HDX: variants seen among roughly 807,000 people sequenced by gnomAD.
HDX encodes chromosome X open reading frame 43.
In HDX, 19 loss-of-function variants were observed where a neutral mutation model predicts 45.2. The observed-to-expected ratio is 0.42, with a 90% CI of 0.29 to 0.62. The LOEUF is 0.62. Among genes scored for constraint, HDX ranks in the 20% least tolerant of loss-of-function variants. HDX has a pLI of 0.20. For synonymous variants in HDX, 188 were observed against 172.8 expected (o/e 1.09, Z -0.69); for missense variants, 532 against 493.9 (o/e 1.08, Z -0.73).
chrX:84,391,531 GT>G (rs2038442997), intron 5 of HDX, among the ~76,000 whole-genome samples: 1 of 110,439 alleles, frequency 9.1e-6, no homozygotes, highest in Non-Finnish European at 1.9e-5. Context: ...TTTCCATACT[GT>G]TTTCCATAGT....
intron 5 of HDX, among the ~76,000 whole-genome samples, chrX:84,424,637 A>G (rs988506201): frequency 3.6e-5 from 4 of 111,282 alleles, no homozygotes; most frequent in African/African-American, 1.3e-4. Context: ...AACAGAATAG[A>G]GAACTCAGAT....
intron 5 of HDX, among the ~76,000 whole-genome samples, chrX:84,384,367 G>T (rs763618767): frequency 9.1e-6 from 1 of 110,057 alleles, no homozygotes; most frequent in East Asian, 2.9e-4. Context: ...TGCCCATTTT[G>T]TATTGGGGTT....
chrX:84,462,473 A>G (rs2040260602), intron 4 of HDX, among the ~76,000 whole-genome samples: 2 of 111,678 alleles, frequency 1.8e-5, no homozygotes, highest in South Asian at 7.4e-4. Flanking sequence ...ATTTAAAACA[A>G]TTGAACTCAT....
chrX:84,451,865 G>T (rs1363219855), intron 4 of HDX, among the ~76,000 whole-genome samples: 1 of 111,642 alleles, frequency 9.0e-6, no homozygotes, highest in Non-Finnish European at 1.9e-5. Flanking sequence ...TGCTAGGATG[G>T]TTCAACACAT....
Position 84,351,047 on chromosome X carries a change from CTATCT to C in HDX, c.1453-6595_1453-6591del, listed in dbSNP as rs755632639. ...TCTATCTATCTATCTATCTATCTAT[CTATCT>C]ATCATCTATCTATCTTATGACAGTC... is the stretch of plus-strand genomic sequence containing the variant. On this transcript the variant is annotated intron_variant, in intron 6 of 10. Coordinates refer to ENST00000373177, the MANE Select transcript of HDX (RefSeq NM_001177479.2). Among the ~76,000 whole-genome samples, 174 of 106,967 alleles carry C rather than the reference CTATCT, an allele frequency of 1.6e-3. 4 individuals carry two copies. The highest frequency in any genetic ancestry group is 6.2e-4 in the Non-Finnish European group (32 of 51,941). 92.9% of individuals were successfully genotyped at this position (106,967 alleles called of 115,157 possible).
At chrX:84,454,729 A>G (rs1459455732) in intron 4 of HDX, among the ~76,000 whole-genome samples, 1 of 111,122 alleles carries the variant, frequency 9.0e-6, no homozygotes, top group Non-Finnish European at 1.9e-5. Flanking sequence ...AAGCATAGGC[A>G]GTAACGAGGC....
intron 1 of HDX, among the ~76,000 whole-genome samples, chrX:84,500,929 A>G (rs1201776705): frequency 1.8e-5 from 2 of 111,751 alleles, no homozygotes; most frequent in Non-Finnish European, 3.8e-5. Flanking sequence ...ACAGACCACT[A>G]AGGATTTGGG....
At chrX:84,460,449 C>A (rs891350947) in intron 4 of HDX, among the ~76,000 whole-genome samples, 3 of 111,850 alleles carry the variant, frequency 2.7e-5, no homozygotes, top group Non-Finnish European at 5.7e-5. Flanking sequence ...ACCATATGAT[C>A]ATTTGAATTG....
In HDX at chrX:84,448,589, G is replaced by A. The variant is rs188520833; in HGVS notation, c.1252-8004C>T. 2.6e-4 allele frequency among the ~76,000 whole-genome samples: 29 copies of A among 110,553 alleles called. No individual in the cohort carries two copies. The East Asian group carries it at 8.1e-3, about 31-fold the overall frequency. Reference sequence around the variant, plus strand: ...AGGACTATGCTAATGGACACACCGAGAATGAAAGCCAAAGTGCCCTACACA... The same window carrying A: ...AGGACTATGCTAATGGACACACCGAAAATGAAAGCCAAAGTGCCCTACACA... On this transcript the variant is annotated intron_variant, in intron 4 of 10. Transcript: ENST00000373177.
intron 4 of HDX, among the ~76,000 whole-genome samples, chrX:84,441,087 G>T (rs995196468): frequency 1.4e-4 from 16 of 110,778 alleles, no homozygotes; most frequent in Non-Finnish European, 2.7e-4. Flanking sequence ...AATTAGTTAA[G>T]AAATGAACAT....
chrX:84,345,448 A>C (rs558311331), intron 6 of HDX, among the ~76,000 whole-genome samples: 3 of 111,432 alleles, frequency 2.7e-5, no homozygotes, highest in African/African-American at 9.7e-5. Flanking sequence ...AGATTCATTC[A>C]AGTTGTGTGT....
chrX:84,353,117 G>A (rs1477510008), intron 6 of HDX, among the ~76,000 whole-genome samples: 2 of 112,167 alleles, frequency 1.8e-5, no homozygotes, highest in East Asian at 2.8e-4. Flanking sequence ...ATATTTTATT[G>A]TAAATTAAAG....
chrX:84,376,126 G>A (rs1038243634), intron 5 of HDX, among the ~76,000 whole-genome samples: 3 of 112,122 alleles, frequency 2.7e-5, no homozygotes, highest in African/African-American at 9.7e-5. Context: ...TGTATACATG[G>A]CCTGTGCCAG....
intron 2 of HDX, among the ~76,000 whole-genome samples, chrX:84,479,148 T>C (rs1381792836): frequency 9.0e-6 from 1 of 111,645 alleles, no homozygotes; most frequent in Non-Finnish European, 1.9e-5. Context: ...GAGAAATGTA[T>C]ATAGTCATCA....
rs151295899 is a variant in HDX, at chrX:84,466,752, G to C, written c.1251+1720C>G. On this transcript the variant is annotated intron_variant, in intron 4 of 10. Coordinates refer to ENST00000373177, the MANE Select transcript of HDX (RefSeq NM_001177479.2). Reference sequence around the variant, plus strand: ...CAAATACAGTTGAAATAGTTATGCTGTATGGTAAAGCAGAAAATATGATAA... The same window carrying C: ...CAAATACAGTTGAAATAGTTATGCTCTATGGTAAAGCAGAAAATATGATAA... Among the ~76,000 whole-genome samples the C allele has an allele frequency of 3.5e-3, 395 of 111,669 alleles. 3 individuals are homozygous for C. The highest frequency in any genetic ancestry group is 0.012 in the African/African-American group (383 of 30,736).
At position 84,385,665 on chromosome X, in the gene HDX, T is replaced by C. The variant is rs1212560740; in HGVS notation, c.1306-24053A>G. ...ATTCGATTCTCAGTCTGCATGTTATTGGTGTATAGAAATGCTACTAAATTT... is the reference window on the plus strand; with the variant it reads ...ATTCGATTCTCAGTCTGCATGTTATCGGTGTATAGAAATGCTACTAAATTT... On this transcript the variant is annotated intron_variant, in intron 5 of 10. Transcript: ENST00000373177. Among the ~76,000 whole-genome samples, 16 of 110,649 alleles carry C rather than the reference T, an allele frequency of 1.4e-4. No individual in the cohort carries two copies. The Admixed American group carries it at 1.5e-3, about 11-fold the overall frequency.
At chrX:84,359,202 T>C (rs2037559727) in intron 6 of HDX, among the ~76,000 whole-genome samples, 1 of 111,265 alleles carries the variant, frequency 9.0e-6, no homozygotes. Flanking sequence ...TATTTTATTT[T>C]AAGTTCTAGG....
At chrX:84,461,013 A>G (rs142494586) in intron 4 of HDX, among the ~76,000 whole-genome samples, 1,483 of 111,652 alleles carry the variant, frequency 0.013, 36 homozygotes, top group African/African-American at 0.047. Context: ...AAACATTGAT[A>G]AAAGAAATTG....
chrX:84,421,623 G>A (rs1289229725), intron 5 of HDX, among the ~76,000 whole-genome samples: 1 of 102,173 alleles, frequency 9.8e-6, no homozygotes, highest in African/African-American at 3.5e-5. Flanking sequence ...GACATAGACT[G>A]GCTGAATGCA....
Sources: allele counts gnomAD v4.1 joint callset (sites outside exome capture counted in the v4.1 genomes callset), GRCh38; gene constraint gnomAD v4.1.1; transcripts MANE v1.5; gene names NCBI Gene and HGNC (gene_info 2026-07-23, HGNC 2026-07-21).